CACNA2D1: variants seen among roughly 807,000 people sequenced by gnomAD.
The protein encoded by CACNA2D1 is voltage-dependent calcium channel subunit alpha-2/delta-1.
A neutral mutation model predicts 171.5 loss-of-function variants in CACNA2D1; 53 were observed. The observed-to-expected ratio is 0.31, with a 90% CI of 0.25 to 0.39. CACNA2D1 has a LOEUF of 0.39. Ranked by LOEUF, CACNA2D1 falls within the 10% of genes least tolerant of loss-of-function variation. The pLI is 1.00. For synonymous variants in CACNA2D1, 442 were observed against 443.1 expected (o/e 1.00, Z 0.03); for missense variants, 903 against 1,299.8 (o/e 0.69, Z 4.69).
chr7:82,080,541 A>C (rs2129005449), intron 7 of CACNA2D1, among the ~76,000 whole-genome samples: 1 of 152,360 alleles, frequency 6.6e-6, no homozygotes, highest in East Asian at 1.9e-4. Flanking sequence ...ACAATCAGTT[A>C]ACTTTGAATT....
chr7:82,138,919 T>A (rs1792033135), intron 4 of CACNA2D1, among the ~76,000 whole-genome samples: 1 of 152,126 alleles, frequency 6.6e-6, no homozygotes, highest in South Asian at 2.1e-4. Context: ...TACGAAAAGT[T>A]AAAGCACTGA....
At chr7:82,060,119 A>G in intron 10 of CACNA2D1, among the ~76,000 whole-genome samples, 1 of 92,012 alleles carries the variant, frequency 1.1e-5, no homozygotes, top group Non-Finnish European at 2.1e-5. Flanking sequence ...CACGTTGTGC[A>G]CATGTACCCT....
rs1014441844 is a variant in CACNA2D1 at position 82,121,536 on chromosome 7, T to C, written c.397-4363A>G. ...ATATTAAATGATGAATCTAGTACAA[T>C]GACAATAAGAACATAACTGAGCCTT... On this transcript the variant is annotated intron_variant, in intron 5 of 38. Transcript: ENST00000356860. Among the ~76,000 whole-genome samples, 16 of 152,286 alleles carry C rather than the reference T, an allele frequency of 1.1e-4. No homozygotes were observed. In the East Asian group the frequency reaches 2.9e-3, roughly 28 times the overall value.
intron 1 of CACNA2D1, among the ~76,000 whole-genome samples, chr7:82,387,899 T>C (rs368322973): frequency 5.9e-5 from 9 of 152,006 alleles, no homozygotes; most frequent in South Asian, 2.1e-4. Flanking sequence ...TAGGCAAACA[T>C]GGTGAAACCC....
intron 3 of CACNA2D1, among the ~76,000 whole-genome samples, chr7:82,232,040 T>C (rs188751272): frequency 1.3e-5 from 2 of 152,220 alleles, no homozygotes; most frequent in Non-Finnish European, 2.9e-5. Flanking sequence ...AGATTTTTAC[T>C]ATTCCATCTT....
chr7:82,144,243 A>T (rs1305056295), intron 4 of CACNA2D1, among the ~76,000 whole-genome samples: 1 of 152,056 alleles, frequency 6.6e-6, no homozygotes, highest in African/African-American at 2.4e-5. Flanking sequence ...TAGTACTGAT[A>T]CTAATACCAT....
intron 6 of CACNA2D1, among the ~76,000 whole-genome samples, chr7:82,092,050 T>C (rs772221096): frequency 9.2e-5 from 14 of 152,332 alleles, no homozygotes; most frequent in Non-Finnish European, 1.8e-4. Flanking sequence ...TCCCTAAGTG[T>C]CTTACATAGA....
intron 12 of CACNA2D1, among the ~76,000 whole-genome samples, chr7:82,022,878 T>C (rs1801408447): frequency 6.6e-6 from 1 of 152,086 alleles, no homozygotes; most frequent in Admixed American, 6.6e-5. Context: ...TTTCATATCA[T>C]ATGCTTTTTT....
At chr7:82,179,980 C>G (rs1796949417) in intron 3 of CACNA2D1, among the ~76,000 whole-genome samples, 1 of 151,840 alleles carries the variant, frequency 6.6e-6, no homozygotes, top group South Asian at 2.1e-4. Flanking sequence ...AAAGGGCATA[C>G]CTTCGCTGAG....
At chr7:82,064,415 T>G in intron 8 of CACNA2D1, 61 bp from the exon 9 acceptor site, 2 of 1,247,174 alleles carry the variant, frequency 1.6e-6, no homozygotes, top group African/African-American at 1.5e-5. Context: ...TGATATTTGT[T>G]GAATTGATAT....
At chr7:82,408,573 C>A (rs1237256477) in intron 1 of CACNA2D1, among the ~76,000 whole-genome samples, 1 of 152,136 alleles carries the variant, frequency 6.6e-6, no homozygotes, top group Non-Finnish European at 1.5e-5. Context: ...TTAGCACATA[C>A]GGCACAGAAC....
intron 3 of CACNA2D1, among the ~76,000 whole-genome samples, chr7:82,213,648 C>G (rs992134174): frequency 3.3e-5 from 5 of 152,178 alleles, no homozygotes; most frequent in Non-Finnish European, 5.9e-5. Flanking sequence ...TACACTTTCT[C>G]TATGTTGAAT....
intron 3 of CACNA2D1, among the ~76,000 whole-genome samples, chr7:82,271,381 A>G (rs1808616690): frequency 6.6e-6 from 1 of 152,090 alleles, no homozygotes; most frequent in Non-Finnish European, 1.5e-5. Context: ...TTGATTCTTT[A>G]TCAAATTTTA....
chr7:82,443,537 G>A lies in CACNA2D1; in HGVS notation c.-78C>T, dbSNP rs1830676226. ...GCGCTGGAAACCGCGGGCGGAGGAA[G>A]AGCAGCACACGCCGCCGGGACCGCG... On this transcript the variant is annotated 5_prime_UTR_variant, in exon 1 of 39. Coordinates refer to ENST00000356860, the MANE Select transcript of CACNA2D1 (RefSeq NM_000722.4). 15 of 1,557,824 alleles carry A rather than the reference G, an allele frequency of 9.6e-6. No individual in the cohort carries two copies. Among genetic ancestry groups the A allele is most frequent in the Admixed American group, 3.8e-5 (2 of 52,176 alleles).
chr7:82,290,796 A>G (rs1163681745), intron 3 of CACNA2D1, among the ~76,000 whole-genome samples: 2 of 151,628 alleles, frequency 1.3e-5, no homozygotes, highest in South Asian at 2.1e-4. Flanking sequence ...GGGTTTCTCC[A>G]TGTTGGTCAG....
intron 7 of CACNA2D1, among the ~76,000 whole-genome samples, chr7:82,083,599 C>G (rs1810073883): frequency 6.6e-6 from 1 of 152,014 alleles, no homozygotes; most frequent in African/African-American, 2.4e-5. Flanking sequence ...ATATTCCCAT[C>G]AGATAATAAT....
chr7:82,389,781 T>C (rs1251643883), intron 1 of CACNA2D1, among the ~76,000 whole-genome samples: 1 of 152,210 alleles, frequency 6.6e-6, no homozygotes, highest in Non-Finnish European at 1.5e-5. Flanking sequence ...TATATATCCT[T>C]AATAAACTTA....
At chr7:82,322,451 C>CAAA (rs11440104) in intron 3 of CACNA2D1, among the ~76,000 whole-genome samples, 27,632 of 103,468 alleles carry the variant, frequency 0.27, 3,900 homozygotes, top group East Asian at 0.45. Flanking sequence ...CCTGGCTTTA[C>CAAA]AAAAAAAAAA....
chr7:82,282,649 T>C (rs980323406), intron 3 of CACNA2D1, among the ~76,000 whole-genome samples: 2 of 150,886 alleles, frequency 1.3e-5, no homozygotes, highest in Non-Finnish European at 2.9e-5. Context: ...TAAAATGATG[T>C]TTTCATAATT....
Sources: allele counts gnomAD v4.1 joint callset (sites outside exome capture counted in the v4.1 genomes callset), GRCh38; gene constraint gnomAD v4.1.1; transcripts MANE v1.5; gene names NCBI Gene and HGNC (gene_info 2026-07-23, HGNC 2026-07-21).